RBM47: variants seen among roughly 807,000 people sequenced by gnomAD.
The protein encoded by RBM47 is RNA-binding protein 47.
In RBM47, 21 loss-of-function variants were observed where a neutral mutation model predicts 47.1. The ratio of observed to expected loss-of-function variants is 0.45; its 90% CI spans 0.32 to 0.64. The LOEUF (loss-of-function observed/expected upper bound fraction) is 0.64, where lower values mean the gene tolerates loss of function less well. RBM47 is among the 30% of genes least tolerant of loss of function. RBM47 has a pLI of 0.05. For missense variants in RBM47, 708 were observed against 870.9 expected, an observed-to-expected ratio of 0.81 and a Z score of 2.35; for synonymous variants, 375 against 361.7, an observed-to-expected ratio of 1.04 and a Z score of -0.42.
chr4:40,531,908 G>A (rs1218430307), intron 2 of RBM47, among the ~76,000 whole-genome samples: 2 of 152,098 alleles, frequency 1.3e-5, no homozygotes, highest in African/African-American at 4.8e-5. Context: ...GAGGACAAAA[G>A]AGAATTAGCT....
rs148912426 is a variant in RBM47, at chr4:40,508,577, TTGAG to T, written c.-155+35841_-155+35844del. Among the ~76,000 whole-genome samples, 1,510 of 152,032 alleles carry T rather than the reference TTGAG, an allele frequency of 9.9e-3. 14 individuals carry two copies. Among genetic ancestry groups the T allele is most frequent in the Non-Finnish European group, 0.017 (1,153 of 67,968 alleles). On this transcript the variant is annotated intron_variant, in intron 2 of 6. Coordinates refer to ENST00000295971, the MANE Select transcript of RBM47 (RefSeq NM_001098634.2). ...GTGGATGAGCGTCACCGATAAAGGG[TTGAG>T]TGAGAGGCCAGATACAAAAGAGTAC...
At chr4:40,460,219 T>C (rs1314638011) in intron 3 of RBM47, among the ~76,000 whole-genome samples, 3 of 152,124 alleles carry the variant, frequency 2.0e-5, no homozygotes, top group Non-Finnish European at 4.4e-5. Context: ...TCACTGTTTT[T>C]TTTTTTTTTC....
rs1471935272 is a variant in RBM47 at position 40,438,432 on chromosome 4, G to A, written c.462C>T (p.Phe154=). ...TCTTCATCTTGGGGATCCCGCCGATGAAGAGGCGGCAGTTGTCCACGCTGC... is the reference window on the plus strand; with the variant it reads ...TCTTCATCTTGGGGATCCCGCCGATAAAGAGGCGGCAGTTGTCCACGCTGC... The part of the protein sequence containing the change: ...VCCSVDNCRL[F]IGGIPKMKKR... Residue 154 remains phenylalanine (F), a synonymous_variant, in exon 4 of 7, where the codon TTC becomes TTT. Transcript: ENST00000295971. The A allele has an allele frequency of 6.2e-7, 1 of 1,613,558 alleles. No individual in the cohort carries two copies. Among genetic ancestry groups the A allele is most frequent in the African/African-American group, 1.3e-5 (1 of 74,952 alleles).
intron 1 of RBM47, among the ~76,000 whole-genome samples, chr4:40,622,943 A>C (rs771133222): frequency 2.0e-5 from 3 of 152,196 alleles, no homozygotes; most frequent in Non-Finnish European, 4.4e-5. Context: ...GAGAGCGGTG[A>C]GGACAAAGGT....
In RBM47 at chr4:40,583,885, C is replaced by A. The variant is rs112486745; in HGVS notation, c.-239-39379G>T. The stretch of plus-strand genomic sequence containing the variant: ...AAAAAAAAAAACAAAAAACAAAAAA[C>A]AAAAAAACCAAAAAGCAGAATGATT... On this transcript the variant is annotated intron_variant, in intron 1 of 6. Coordinates refer to ENST00000295971, the MANE Select transcript of RBM47 (RefSeq NM_001098634.2). Among the ~76,000 whole-genome samples, 44 of 56,954 alleles carry A rather than the reference C, an allele frequency of 7.7e-4. 1 individual carries two copies. Among genetic ancestry groups the A allele is most frequent in the East Asian group, 1.0e-3 (3 of 2,970 alleles). The allele number at this position is 56,954 out of a possible 152,430, so 37.4% of individuals were successfully genotyped here. A position where few individuals can be genotyped will look rare whatever the true frequency, so the allele number is the denominator to read the frequency against.
chr4:40,569,374 G>C (rs990354276), intron 1 of RBM47, among the ~76,000 whole-genome samples: 5 of 151,578 alleles, frequency 3.3e-5, no homozygotes, highest in Non-Finnish European at 7.4e-5. Context: ...GCATCAGTGT[G>C]CCGGGAAACA....
intron 2 of RBM47, among the ~76,000 whole-genome samples, chr4:40,493,728 T>G (rs1175463066): frequency 6.8e-6 from 1 of 147,350 alleles, no homozygotes; most frequent in Non-Finnish European, 1.5e-5. Context: ...TTGCAGTGGC[T>G]GGCACTGCAC....
chr4:40,525,158 C>T (rs1047706008), intron 2 of RBM47, among the ~76,000 whole-genome samples: 3 of 152,128 alleles, frequency 2.0e-5, no homozygotes, highest in Admixed American at 2.0e-4. Flanking sequence ...ATAAACATGG[C>T]CAGGCATGAT....
intron 1 of RBM47, among the ~76,000 whole-genome samples, chr4:40,591,120 T>A (rs938537095): frequency 1.3e-5 from 2 of 152,068 alleles, no homozygotes; most frequent in African/African-American, 4.8e-5. Flanking sequence ...TCCATTTATA[T>A]GAAAAATCTA....
At chr4:40,587,183 C>T (rs573586181) in intron 1 of RBM47, among the ~76,000 whole-genome samples, 8 of 152,118 alleles carry the variant, frequency 5.3e-5, no homozygotes, top group African/African-American at 1.9e-4. Flanking sequence ...AAGATTCAGG[C>T]ATCTAGAGAC....
chr4:40,498,057 TA>T (rs1722863022), intron 2 of RBM47, among the ~76,000 whole-genome samples: 1 of 66,350 alleles, frequency 1.5e-5, no homozygotes, highest in Non-Finnish European at 3.0e-5. Context: ...GCTTGTTTTA[TA>T]TATATATATA....
chr4:40,465,746 G>A (rs1717918867), intron 3 of RBM47, among the ~76,000 whole-genome samples: 1 of 151,966 alleles, frequency 6.6e-6, no homozygotes, highest in South Asian at 2.1e-4. Flanking sequence ...CCTACTTGGA[G>A]AAGATTAAAT....
chr4:40,439,030 G>A, intron 3 of RBM47, 106 bp from the exon 4 acceptor site: 1 of 1,002,902 alleles, frequency 1.0e-6, no homozygotes, highest in Non-Finnish European at 1.4e-6. Context: ...CGGGGAAGGG[G>A]AGGTGGTTTA....
chr4:40,548,976 T>C (rs1294438413), intron 1 of RBM47, among the ~76,000 whole-genome samples: 3 of 151,912 alleles, frequency 2.0e-5, no homozygotes, highest in Non-Finnish European at 4.4e-5. Context: ...TGGGTACATA[T>C]TATTATGATC....
chr4:40,450,791 C>T (rs1364914333), intron 3 of RBM47, among the ~76,000 whole-genome samples: 1 of 151,934 alleles, frequency 6.6e-6, no homozygotes, highest in African/African-American at 2.4e-5. Context: ...ACATCCCTGT[C>T]CTCTACCCAC....
chr4:40,590,015 C>G (rs1387686753), intron 1 of RBM47, among the ~76,000 whole-genome samples: 1 of 152,066 alleles, frequency 6.6e-6, no homozygotes, highest in Non-Finnish European at 1.5e-5. Flanking sequence ...GTTTCCTGAC[C>G]TTCAGGCTCA....
At chr4:40,626,203 T>C (rs958319480) in intron 1 of RBM47, among the ~76,000 whole-genome samples, 2 of 152,242 alleles carry the variant, frequency 1.3e-5, no homozygotes, top group African/African-American at 4.8e-5. Context: ...CTGTTAAATA[T>C]GCAAGTTACA....
intron 1 of RBM47, among the ~76,000 whole-genome samples, chr4:40,544,873 C>A (rs961536096): frequency 6.6e-6 from 1 of 151,978 alleles, no homozygotes; most frequent in Non-Finnish European, 1.5e-5. Context: ...GAATTTGAGA[C>A]CAACCTGGGC....
At chr4:40,469,981 ACCTATATGTTATGTTTGT>A (rs1718608061) in intron 2 of RBM47, among the ~76,000 whole-genome samples, 1 of 152,074 alleles carries the variant, frequency 6.6e-6, no homozygotes, top group Admixed American at 6.6e-5. Flanking sequence ...TTCAAGCAAA[ACCTATATGTTATGTTTGT>A]CCTGTGGCTT....
Sources: allele counts gnomAD v4.1 joint callset (sites outside exome capture counted in the v4.1 genomes callset), GRCh38; gene constraint gnomAD v4.1.1; transcripts MANE v1.5; gene names NCBI Gene and HGNC (gene_info 2026-07-23, HGNC 2026-07-21).